TMEM120B: variants seen among roughly 807,000 people sequenced by gnomAD.
The protein encoded by TMEM120B is transmembrane protein 120B.
TMEM120B carries 31 observed loss-of-function variants against 55.5 expected under a neutral mutation model. The ratio of observed to expected loss-of-function variants is 0.56; its 90% CI spans 0.42 to 0.75. The LOEUF (loss-of-function observed/expected upper bound fraction) is 0.75, where lower values mean the gene tolerates loss of function less well. Among genes scored for constraint, TMEM120B ranks in the 30% least tolerant of loss-of-function variants. The pLI, the probability that TMEM120B is intolerant of heterozygous loss-of-function variation, is 0.00. For synonymous variants in TMEM120B, 203 were observed against 176.3 expected, an observed-to-expected ratio of 1.15 and a Z score of -1.20; for missense variants, 399 against 425.5, an observed-to-expected ratio of 0.94 and a Z score of 0.55.
intron 2 of TMEM120B, among the ~76,000 whole-genome samples, chr12:121,744,732 G>T (rs543812638): frequency 1.1e-4 from 17 of 152,276 alleles, no homozygotes; most frequent in African/African-American, 3.6e-4. Flanking sequence ...ACTTGTCCCA[G>T]GTCACTTAGC....
Position 121,779,139 on chromosome 12 carries a change from A to G in TMEM120B, c.*3417A>G. 4.3e-6 allele frequency: 1 copy of G among 232,582 alleles called. No individual in the cohort carries two copies. The highest frequency in any genetic ancestry group is 7.1e-5 in the South Asian group (1 of 14,028). 14.4% of individuals were successfully genotyped at this position (232,582 alleles called of 1,614,324 possible). A position where few individuals can be genotyped will look rare whatever the true frequency, so the allele number is the denominator to read the frequency against. Reference sequence around the variant, plus strand: ...CAGGCTTGGGGCGCCCGCGTGGAACAGTGCCAGGTCTACGTTTACCCACTA... The same window carrying G: ...CAGGCTTGGGGCGCCCGCGTGGAACGGTGCCAGGTCTACGTTTACCCACTA... On this transcript the variant is annotated 3_prime_UTR_variant, in exon 12 of 12. Transcript: ENST00000449592.
chr12:121,761,626 C>T (rs753085658), intron 5 of TMEM120B, 23 bp from the exon 6 acceptor site: 1 of 1,602,914 alleles, frequency 6.2e-7, no homozygotes, highest in Non-Finnish European at 8.5e-7. Flanking sequence ...CGCACCCCTC[C>T]CGGGGGCTGT....
chr12:121,750,881 CCACACCCCACAT>C (rs2137195946), intron 4 of TMEM120B, among the ~76,000 whole-genome samples: 1 of 123,172 alleles, frequency 8.1e-6, no homozygotes, highest in African/African-American at 3.2e-5. Context: ...ACACCACACA[CCACACCCCACAT>C]CCCACACCCA....
intron 6 of TMEM120B, among the ~76,000 whole-genome samples, chr12:121,767,770 C>A (rs1034341888): frequency 6.6e-6 from 1 of 152,224 alleles, no homozygotes; most frequent in Non-Finnish European, 1.5e-5. Flanking sequence ...TCTAGCCTCA[C>A]CCGATGTCAC....
intron 5 of TMEM120B, among the ~76,000 whole-genome samples, chr12:121,755,751 G>A (rs999957301): frequency 9.2e-5 from 14 of 152,194 alleles, no homozygotes; most frequent in African/African-American, 3.1e-4. Context: ...ATACTGCTAG[G>A]GAATGAGGGG....
chr12:121,766,129 T>A (rs757728989), intron 6 of TMEM120B, among the ~76,000 whole-genome samples: 2 of 152,058 alleles, frequency 1.3e-5, no homozygotes, highest in Non-Finnish European at 2.9e-5. Flanking sequence ...TTTTGTCTGA[T>A]GGAGGCGCTT....
At chr12:121,771,665 T>C in intron 8 of TMEM120B, 116 bp downstream of exon 8, 1 of 1,075,738 alleles carries the variant, frequency 9.3e-7, no homozygotes, top group Non-Finnish European at 1.4e-6. Flanking sequence ...GAGACCAGAC[T>C]GGGGGAGAGG....
intron 1 of TMEM120B, among the ~76,000 whole-genome samples, chr12:121,727,536 CAAA>C (rs758470408): frequency 2.8e-5 from 1 of 35,862 alleles, no homozygotes; most frequent in Non-Finnish European, 5.4e-5. Flanking sequence ...GACCCTGTCT[CAAA>C]AAAAAAAAAA....
At chr12:121,724,611 TTG>T (rs1592924587) in intron 1 of TMEM120B, among the ~76,000 whole-genome samples, 1 of 83,764 alleles carries the variant, frequency 1.2e-5, no homozygotes, top group East Asian at 3.8e-4. Flanking sequence ...ATACTAAAAG[TTG>T]TGTTTTTTTT....
intron 1 of TMEM120B, among the ~76,000 whole-genome samples, chr12:121,724,972 G>T (rs1013089768): frequency 1.3e-5 from 2 of 152,148 alleles, no homozygotes; most frequent in African/African-American, 4.8e-5. Context: ...CATTTACGTG[G>T]TTAGGACCAT....
In TMEM120B at chr12:121,775,953, G is replaced by A; in HGVS notation, c.*231G>A. ...TCCCCCATCGTCCCTGGAACCCGAG[G>A]CCTCACTCCTGTGCTTGAAGGTGGC... On this transcript the variant is annotated 3_prime_UTR_variant, in exon 12 of 12. Coordinates refer to ENST00000449592, the MANE Select transcript of TMEM120B (RefSeq NM_001080825.2). The surrounding 1 kb of genome is among the most constrained non-coding windows in gnomAD (Gnocchi z 4.3). 1.6e-6 allele frequency: 1 copy of A among 608,870 alleles called. No homozygotes were observed. The highest frequency in any genetic ancestry group is 2.9e-6 in the Non-Finnish European group (1 of 341,878). 37.7% of individuals were successfully genotyped at this position (608,870 alleles called of 1,614,324 possible). A position where few individuals can be genotyped will look rare whatever the true frequency, so the allele number is the denominator to read the frequency against.
At position 121,771,568 on chromosome 12, in the gene TMEM120B, G is replaced by C; in HGVS notation, c.679+19G>C. 1 of 1,612,322 alleles carries C rather than the reference G, an allele frequency of 6.2e-7. No individual in the cohort carries two copies. The highest frequency in any genetic ancestry group is 1.1e-5 in the South Asian group (1 of 91,034). On this transcript the variant is annotated intron_variant, in intron 8 of 11. Coordinates refer to ENST00000449592, the MANE Select transcript of TMEM120B (RefSeq NM_001080825.2). ...TTTCAGAGTGAGTGACTGTTGCCTG[G>C]ATTTGGGGGAAGGGACATGGTTTTC... is the stretch of plus-strand genomic sequence containing the variant.
intron 5 of TMEM120B, among the ~76,000 whole-genome samples, chr12:121,753,981 G>T (rs887440922): frequency 6.6e-6 from 1 of 152,242 alleles, no homozygotes; most frequent in Non-Finnish European, 1.5e-5. Context: ...GGCTGCTGCT[G>T]CCCTGCCTGG....
rs143755894 is a variant in TMEM120B, at chr12:121,780,979, G to A, written c.*5257G>A. ...CCGATGAGCACCATGGGGATCCCGC[G>A]GCAGAAATGCGTGACCTCAGGGAAC... On this transcript the variant is annotated 3_prime_UTR_variant, in exon 12 of 12. Coordinates refer to ENST00000449592, the MANE Select transcript of TMEM120B (RefSeq NM_001080825.2). 22 of 1,613,932 alleles carry A rather than the reference G, an allele frequency of 1.4e-5. No homozygotes were observed. In the African/African-American group the frequency reaches 1.6e-4, roughly 12 times the overall value.
At chr12:121,751,722 G>T (rs1253653211) in intron 4 of TMEM120B, among the ~76,000 whole-genome samples, 2 of 133,286 alleles carry the variant, frequency 1.5e-5, no homozygotes, top group Admixed American at 1.7e-4. Context: ...TTTCGCACAA[G>T]AAATGGCCCT....
intron 2 of TMEM120B, among the ~76,000 whole-genome samples, chr12:121,746,374 A>G (rs2137149714): frequency 6.6e-6 from 1 of 151,968 alleles, no homozygotes; most frequent in South Asian, 2.1e-4. Flanking sequence ...TTTAGTAGAG[A>G]CGGGGTTTCT....
Position 121,776,026 on chromosome 12 carries a change from G to GC in TMEM120B, c.*308dup. The GC allele has an allele frequency of 1.7e-6, 1 of 589,242 alleles. No individual in the cohort carries two copies. Among genetic ancestry groups the GC allele is most frequent in the African/African-American group, 1.9e-5 (1 of 53,738 alleles). 36.5% of individuals were successfully genotyped at this position (589,242 alleles called of 1,614,324 possible). A position where few individuals can be genotyped will look rare whatever the true frequency, so the allele number is the denominator to read the frequency against. On this transcript the variant is annotated 3_prime_UTR_variant, in exon 12 of 12. Coordinates refer to ENST00000449592, the MANE Select transcript of TMEM120B (RefSeq NM_001080825.2). ...GGGATGGGGCCTGAAGCCTCAGGGA[G>GC]CCCCTCTGTTCCCACTCCTGTCATT...
At chr12:121,724,840 G>C (rs2137005699) in intron 1 of TMEM120B, among the ~76,000 whole-genome samples, 1 of 148,724 alleles carries the variant, frequency 6.7e-6, no homozygotes, top group African/African-American at 2.5e-5. Context: ...TCGATCTCCT[G>C]ACTTTGTGAT....
chr12:121,749,468 G>A (rs556403616), intron 3 of TMEM120B, among the ~76,000 whole-genome samples: 2 of 152,330 alleles, frequency 1.3e-5, no homozygotes, highest in South Asian at 4.1e-4. Flanking sequence ...GATCACTTGA[G>A]CCCAGGAATT....
Sources: allele counts gnomAD v4.1 joint callset (sites outside exome capture counted in the v4.1 genomes callset), GRCh38; gene constraint gnomAD v4.1.1; non-coding constraint Gnocchi (gnomAD v3.1); transcripts MANE v1.5; gene names NCBI Gene and HGNC (gene_info 2026-07-23, HGNC 2026-07-21).